SREK1: variants seen among roughly 807,000 people sequenced by gnomAD.
SREK1 encodes splicing regulatory glutamine/lysine-rich protein 1.
In SREK1, 13 loss-of-function variants were observed where a neutral mutation model predicts 66.5. The ratio of observed to expected loss-of-function variants is 0.20; its 90% CI spans 0.13 to 0.31. The LOEUF is 0.31. SREK1 is among the 10% of genes least tolerant of loss of function. The pLI is 1.00. For missense variants in SREK1, 607 were observed against 769.6 expected (o/e 0.79, Z 2.50); for synonymous variants, 265 against 263.5 (o/e 1.01, Z -0.05).
rs1173700660 is a variant in SREK1, at chr5:66,183,537, AT to A, written c.*4670del. 2.6e-5 allele frequency: 4 copies of A among 152,204 alleles called. No individual in the cohort carries two copies. The highest frequency in any genetic ancestry group is 4.4e-5 in the Non-Finnish European group (3 of 68,030). The allele number at this position is 152,204 out of a possible 1,614,324, so 9.4% of individuals were successfully genotyped here. On this transcript the variant is annotated 3_prime_UTR_variant, in exon 12 of 12. Transcript: ENST00000334121. ...TATTTGTGAGTAGGACTACTTTTAA[AT>A]GGTACTAGTAAAGATTTATCAAACA... is the stretch of plus-strand genomic sequence containing the variant.
At position 66,178,724 on chromosome 5, in the gene SREK1, A is replaced by G. The variant is rs1300975012; in HGVS notation, c.1731A>G (p.Lys577=). 9 of 1,607,476 alleles carry G rather than the reference A, an allele frequency of 5.6e-6. No individual in the cohort carries two copies. In the East Asian group the frequency reaches 8.9e-5, roughly 16 times the overall value. The change falls in exon 12 of 12, where the codon AAA becomes AAG. Residue 577 remains lysine, a synonymous_variant. Coordinates refer to ENST00000334121, the MANE Select transcript of SREK1 (RefSeq NM_001077199.3). ...ACCTTAATTACTCATTGTAGGAGAA[A>G]GAGCACAATAAAGAACCAGATTCAA... ...LEKNSTSLKE[K]EHNKEPDSSV...
intron 1 of SREK1, among the ~76,000 whole-genome samples, chr5:66,149,656 C>T (rs886506995): frequency 3.9e-5 from 6 of 152,066 alleles, no homozygotes; most frequent in African/African-American, 9.7e-5. Context: ...CAAAAGGATC[C>T]GTCAGTTTAG....
rs547419837 is a variant in SREK1 at position 66,177,593 on chromosome 5, A to G, written c.1660A>G (p.Met554Val). The change falls in exon 11 of 12, where the codon ATG (methionine) becomes GTG (valine). Residue 554 changes from methionine to valine, a missense_variant. Met to Val is a conservative substitution (Grantham distance 21). Coordinates refer to ENST00000334121, the MANE Select transcript of SREK1 (RefSeq NM_001077199.3). The stretch of plus-strand genomic sequence containing the variant: ...AAGAGAGAGAGAACGTTCAACGTCT[A>G]TGAGAAAGAGTTCTAATGATAGAGA... The part of the protein sequence containing the change: ...ERRERERSTS[M>V]RKSSNDRDGK... The G allele has an allele frequency of 3.1e-5, 50 of 1,611,500 alleles. 1 individual carries two copies. The highest frequency in any genetic ancestry group is 3.3e-4 in the Middle Eastern group (2 of 6,046).
At chr5:66,161,439 C>T (rs1744762532) in intron 3 of SREK1, among the ~76,000 whole-genome samples, 2 of 152,148 alleles carry the variant, frequency 1.3e-5, no homozygotes, top group Admixed American at 1.3e-4. Flanking sequence ...AACAAGCACG[C>T]AGTCTGTTTA....
intron 2 of SREK1, chr5:66,158,685 C>G (rs1744490061): frequency 2.3e-6 from 2 of 853,232 alleles, no homozygotes; most frequent in Admixed American, 3.5e-5. Flanking sequence ...TAAGAAATTT[C>G]AATTCGCACA....
chr5:66,165,594 C>G (rs59184741), intron 7 of SREK1: 1 of 152,158 alleles, frequency 6.6e-6, no homozygotes, highest in Non-Finnish European at 1.5e-5. Context: ...TTGGCAATAC[C>G]ATCCTAATTG....
rs749857029 is a variant in SREK1, at chr5:66,144,452, C to T, written c.76C>T (p.Leu26=). 2.1e-5 allele frequency: 32 copies of T among 1,552,078 alleles called. No individual in the cohort carries two copies. Among genetic ancestry groups the T allele is most frequent in the Non-Finnish European group, 2.6e-5 (30 of 1,147,254 alleles). The stretch of plus-strand genomic sequence containing the variant: ...CACGTCGGTGATTCAGGTGACGAAT[C>T]TGTCGTCGGCGGTGACCAGCGAGCA... ...TPTSVIQVTN[L]SSAVTSEQMR... The change falls in exon 1 of 12, where the codon CTG becomes TTG. Residue 26 remains leucine (L), a synonymous_variant. Transcript: ENST00000334121.
intron 9 of SREK1, among the ~76,000 whole-genome samples, chr5:66,174,370 C>T (rs1745888181): frequency 6.6e-6 from 1 of 151,120 alleles, no homozygotes; most frequent in Non-Finnish European, 1.5e-5. Flanking sequence ...AATAGAACAA[C>T]AGTAATGAAA....
chr5:66,144,997 C>T (rs1182099478), intron 1 of SREK1: 1 of 986,862 alleles, frequency 1.0e-6, no homozygotes, highest in Non-Finnish European at 1.2e-6. Context: ...ACGAGAAAGC[C>T]TGCTGCTGGT....
At chr5:66,171,860 C>T (rs1745668329) in intron 9 of SREK1, among the ~76,000 whole-genome samples, 1 of 152,102 alleles carries the variant, frequency 6.6e-6, no homozygotes, top group Non-Finnish European at 1.5e-5. Flanking sequence ...TCATGTCTCA[C>T]CTTATTTAAT....
chr5:66,161,821 G>A (rs1038968162), intron 3 of SREK1, among the ~76,000 whole-genome samples: 11 of 152,174 alleles, frequency 7.2e-5, no homozygotes, highest in East Asian at 1.9e-4. Flanking sequence ...CATTGTTCAC[G>A]GAAACTATAG....
At chr5:66,163,395 T>TA (rs1224765906) in intron 5 of SREK1, 1 of 160,794 alleles carries the variant, frequency 6.2e-6, no homozygotes, top group Non-Finnish European at 1.4e-5. Flanking sequence ...AATATGATGA[T>TA]ATACAGGTAG....
chr5:66,160,613 A>G (rs1192083585), intron 3 of SREK1, among the ~76,000 whole-genome samples: 1 of 152,178 alleles, frequency 6.6e-6, no homozygotes. Context: ...TTTATTCTTA[A>G]GGTAATTAGA....
In SREK1 at chr5:66,159,340, TAC is replaced by T. The variant is rs532092971; in HGVS notation, c.411+7_411+8del. ...CCCCAAATCCTTTGACTACTGTAAG[TAC>T]TATAAGCTGGCTTATGAAAGAGGTG... On this transcript the variant is annotated splice_region_variant and intron_variant, in intron 3 of 11. Transcript: ENST00000334121. 2,152 of 1,594,880 alleles carry T rather than the reference TAC, an allele frequency of 1.3e-3. 39 individuals are homozygous for T. The South Asian group carries it at 0.023, about 17-fold the overall frequency.
At chr5:66,149,295 A>C (rs1226392311) in intron 1 of SREK1, among the ~76,000 whole-genome samples, 4 of 152,110 alleles carry the variant, frequency 2.6e-5, no homozygotes, top group African/African-American at 9.7e-5. Flanking sequence ...GGTTGCAGTG[A>C]GCCGGGATCC....
Position 66,180,251 on chromosome 5 carries a change from T to G in SREK1, c.*1383T>G, listed in dbSNP as rs1479733413. 1 of 152,574 alleles carries G rather than the reference T, an allele frequency of 6.6e-6. No homozygotes were observed. Among genetic ancestry groups the G allele is most frequent in the Non-Finnish European group, 1.5e-5 (1 of 67,996 alleles). The allele number at this position is 152,574 out of a possible 1,614,324, so 9.5% of individuals were successfully genotyped here. On this transcript the variant is annotated 3_prime_UTR_variant, in exon 12 of 12. Transcript: ENST00000334121. ...GTAAAGTGACAGCACTGCTAATGTT[T>G]TTCCCCAGTACTATAACTTGTGGTT...
chr5:66,159,736 T>C (rs1345370592), intron 3 of SREK1, among the ~76,000 whole-genome samples: 2 of 152,100 alleles, frequency 1.3e-5, no homozygotes, highest in Non-Finnish European at 2.9e-5. Context: ...ATTGAGAAAA[T>C]GTAATAAGGT....
chr5:66,159,080 A>G, intron 2 of SREK1, 139 bp from the exon 3 acceptor site: 2 of 1,424,546 alleles, frequency 1.4e-6, no homozygotes, highest in South Asian at 1.6e-5. Context: ...TTAAGTTCTT[A>G]TTTATTTCTT....
chr5:66,146,879 A>G (rs1019560660), intron 1 of SREK1, among the ~76,000 whole-genome samples: 1 of 152,196 alleles, frequency 6.6e-6, no homozygotes, highest in African/African-American at 2.4e-5. Context: ...ATTTCCAGGT[A>G]TATTGGAAAT....
Sources: gnomAD v4.1 joint callset for allele counts (sites outside exome capture counted in the v4.1 genomes callset) on GRCh38, gnomAD v4.1.1 for gene constraint, MANE v1.5 for transcripts, NCBI Gene and HGNC (gene_info 2026-07-23, HGNC 2026-07-21) for gene names.